The following PPP1R13B variants were observed in gnomAD, a reference collection of about 807,000 sequenced individuals.
PPP1R13B encodes apoptosis-stimulating of p53 protein 1.
A neutral mutation model predicts 119.8 loss-of-function variants in PPP1R13B; 44 were observed. That is an observed-to-expected ratio of 0.37 (90% CI 0.29 to 0.47). The LOEUF is 0.47. Among genes scored for constraint, PPP1R13B ranks in the 20% least tolerant of loss-of-function variants. The pLI, the probability that PPP1R13B is intolerant of heterozygous loss-of-function variation, is 0.99. For missense variants in PPP1R13B, 1,227 were observed against 1,413.5 expected (o/e 0.87, Z 2.12); for synonymous variants, 542 against 561.5 (o/e 0.97, Z 0.49).
intron 1 of PPP1R13B, among the ~76,000 whole-genome samples, chr14:103,811,672 A>T (rs2086159032): frequency 6.6e-6 from 1 of 152,162 alleles, no homozygotes; most frequent in South Asian, 2.1e-4. Context: ...TGGGCACAAG[A>T]GTGAGACCGT....
chr14:103,779,801 TA>T (rs1387685923), intron 3 of PPP1R13B, among the ~76,000 whole-genome samples: 1 of 151,182 alleles, frequency 6.6e-6, no homozygotes, highest in Non-Finnish European at 1.5e-5. Flanking sequence ...AACATAAAGA[TA>T]AAAATTTGGC....
intron 3 of PPP1R13B, among the ~76,000 whole-genome samples, chr14:103,781,096 C>T (rs2085326511): frequency 6.6e-6 from 1 of 152,166 alleles, no homozygotes; most frequent in Middle Eastern, 3.2e-3. Flanking sequence ...AGCCACCATA[C>T]TCAGCCCGTT....
At position 103,736,214 on chromosome 14, in the gene PPP1R13B, G is replaced by C. The variant is rs2084106643; in HGVS notation, c.3032-12C>G. On this transcript the variant is annotated splice_polypyrimidine_tract_variant and intron_variant, in intron 15 of 16. Transcript: ENST00000202556. ...CTTTTCCTGCACCCCTGGAGCCAGA[G>C]AGCAATGGTCAGGCCTCAGCAGAGG... The C allele has an allele frequency of 5.0e-6, 8 of 1,612,048 alleles. No individual in the cohort carries two copies. Among genetic ancestry groups the C allele is most frequent in the South Asian group, 1.1e-5 (1 of 91,074 alleles).
intron 1 of PPP1R13B, among the ~76,000 whole-genome samples, chr14:103,843,869 C>T (rs2086965001): frequency 6.6e-6 from 1 of 151,554 alleles, no homozygotes; most frequent in South Asian, 2.1e-4. Context: ...AGAAGAATCA[C>T]TTGAACCCAG....
chr14:103,740,641 C>T lies in PPP1R13B; in HGVS notation c.1823-48G>A, dbSNP rs990190078. 3.3e-5 allele frequency: 48 copies of T among 1,433,288 alleles called. No homozygotes were observed. The highest frequency in any genetic ancestry group is 4.3e-5 in the Non-Finnish European group (47 of 1,085,212). The allele number at this position is 1,433,288 out of a possible 1,614,324, so 88.8% of individuals were successfully genotyped here. ...GCAATTTTGACCTCACTACAGAGATCTAGTCATACACACCTATGATTACAC... is the reference window on the plus strand; with the variant it reads ...GCAATTTTGACCTCACTACAGAGATTTAGTCATACACACCTATGATTACAC... On this transcript the variant is annotated intron_variant, in intron 11 of 16. Transcript: ENST00000202556. This position sits in a 1 kb window ranked among gnomAD's most constrained non-coding sequence, Gnocchi z 4.6.
In PPP1R13B at chr14:103,740,979, C is replaced by T. The variant is rs1194885033; in HGVS notation, c.1823-386G>A. Among the ~76,000 whole-genome samples the T allele has an allele frequency of 6.6e-6, 1 of 152,224 alleles. No homozygotes were observed. The highest frequency in any genetic ancestry group is 6.5e-5 in the Admixed American group (1 of 15,286). On this transcript the variant is annotated intron_variant, in intron 11 of 16. Transcript: ENST00000202556. This position sits in a 1 kb window ranked among gnomAD's most constrained non-coding sequence, Gnocchi z 4.6. ...CTAACTCACATGACGGAGACACACG[C>T]GCCTCCTCAGAGCAGGAAGGTTTTA...
At chr14:103,799,340 G>A (rs1257277245) in intron 1 of PPP1R13B, among the ~76,000 whole-genome samples, 4 of 151,992 alleles carry the variant, frequency 2.6e-5, no homozygotes, top group African/African-American at 4.8e-5. Context: ...CACTACGCCC[G>A]GCTAATTTTT....
At chr14:103,847,206 C>G in intron 1 of PPP1R13B, 93 bp downstream of exon 1, 2 of 1,044,150 alleles carry the variant, frequency 1.9e-6, no homozygotes, top group Non-Finnish European at 2.3e-6. Flanking sequence ...GGCCTCGCAC[C>G]GGCCCGCGGG....
chr14:103,841,416 C>G (rs2086905827), intron 1 of PPP1R13B, among the ~76,000 whole-genome samples: 1 of 150,720 alleles, frequency 6.6e-6, no homozygotes, highest in Non-Finnish European at 1.5e-5. Flanking sequence ...GGTGAAACTC[C>G]ATCTCTACTA....
rs188570349 is a variant in PPP1R13B at position 103,826,804 on chromosome 14, A to C, written c.9+20495T>G. ...CGGGCAGATCACAAGGTCAGGAGAT[A>C]GAGACCATCCTGGCTAACAAGGTGA... On this transcript the variant is annotated intron_variant, in intron 1 of 16. Coordinates refer to ENST00000202556, the MANE Select transcript of PPP1R13B (RefSeq NM_015316.3). Among the ~76,000 whole-genome samples the C allele has an allele frequency of 3.2e-4, 48 of 150,386 alleles. No homozygotes were observed. The East Asian group carries it at 4.1e-3, about 13-fold the overall frequency.
Position 103,734,563 on chromosome 14 carries a change from C to T in PPP1R13B, c.*591G>A, listed in dbSNP as rs1016136001. The T allele has an allele frequency of 8.8e-6, 4 of 456,352 alleles. No homozygotes were observed. The highest frequency in any genetic ancestry group is 8.0e-5 in the African/African-American group (4 of 50,056). 28.3% of individuals were successfully genotyped at this position (456,352 alleles called of 1,614,324 possible). A position where few individuals can be genotyped will look rare whatever the true frequency, so the allele number is the denominator to read the frequency against. ...CCTGCACAATCAGCCTTTAGGTGAA[C>T]TGGAACAGGAAGCGGAACCCCCAAG... On this transcript the variant is annotated 3_prime_UTR_variant, in exon 17 of 17. Transcript: ENST00000202556.
intron 1 of PPP1R13B, among the ~76,000 whole-genome samples, chr14:103,837,903 G>A (rs1343134633): frequency 5.9e-5 from 9 of 152,114 alleles, no homozygotes; most frequent in Non-Finnish European, 1.5e-5. Flanking sequence ...CAGATCACCT[G>A]AGGTCAGGAG....
intron 2 of PPP1R13B, among the ~76,000 whole-genome samples, chr14:103,795,530 A>G (rs1249425807): frequency 6.6e-6 from 1 of 152,236 alleles, no homozygotes; most frequent in Non-Finnish European, 1.5e-5. Context: ...GAGAGAGACA[A>G]GCATTCTCAA....
intron 1 of PPP1R13B, among the ~76,000 whole-genome samples, 200 bp from the exon 2 acceptor site, chr14:103,797,718 G>T (rs949156166): frequency 5.3e-5 from 8 of 150,354 alleles, no homozygotes; most frequent in African/African-American, 2.0e-4. Flanking sequence ...TCCAAATGAG[G>T]AGAGTAATAG....
chr14:103,845,662 A>G (rs1394793095), intron 1 of PPP1R13B, among the ~76,000 whole-genome samples: 1 of 152,190 alleles, frequency 6.6e-6, no homozygotes, highest in Admixed American at 6.6e-5. Context: ...GATATTTATA[A>G]TTAAACATTA....
intron 4 of PPP1R13B, among the ~76,000 whole-genome samples, chr14:103,774,152 A>T (rs762920659): frequency 6.6e-5 from 10 of 152,260 alleles, no homozygotes; most frequent in Non-Finnish European, 1.5e-4. Flanking sequence ...CTTAAAATTG[A>T]TCATAGAACT....
Position 103,754,033 on chromosome 14 carries a change from G to T in PPP1R13B, c.631+37C>A, listed in dbSNP as rs372705526. 8.3e-5 allele frequency: 133 copies of T among 1,601,828 alleles called. No individual in the cohort carries two copies. The Middle Eastern group carries it at 8.5e-4, about 10-fold the overall frequency. On this transcript the variant is annotated intron_variant, in intron 6 of 16. Transcript: ENST00000202556. The stretch of plus-strand genomic sequence containing the variant: ...CTATGTTTCACTGGATCTGGGCCTG[G>T]TGAGAGTGGTGTCGAGGGGGTGTTG...
At position 103,739,868 on chromosome 14, in the gene PPP1R13B, G is replaced by C; in HGVS notation, c.2548C>G (p.Pro850Ala). The C allele has an allele frequency of 1.2e-6, 2 of 1,613,664 alleles. No homozygotes were observed. Among genetic ancestry groups the C allele is most frequent in the South Asian group, 1.1e-5 (1 of 91,044 alleles). The change falls in exon 12 of 17, where the codon CCA becomes GCA. Residue 850 changes from proline to alanine, a missense_variant. Physicochemically the swap from Pro to Ala is conservative, Grantham distance 27. Transcript: ENST00000202556. Reference protein sequence around the residue: ...APSPGEEQVPPAPLPPASHPP... With the variant: ...APSPGEEQVPAAPLPPASHPP... ...TGGCTGGCAGGGGGAAGAGGTGCTG[G>C]AGGGACCTGCTCTTCCCCTGGAGAT...
chr14:103,824,606 G>A lies in PPP1R13B; in HGVS notation c.9+22693C>T, dbSNP rs759936944. Among the ~76,000 whole-genome samples the A allele has an allele frequency of 1.6e-4, 24 of 151,542 alleles. 1 individual carries two copies. The highest frequency in any genetic ancestry group is 5.3e-4 in the Admixed American group (8 of 15,224). On this transcript the variant is annotated intron_variant, in intron 1 of 16. Transcript: ENST00000202556. Reference sequence around the variant, plus strand: ...AGCTACTCTGGAGGCTGAGGCACGAGAATCGGTTGAACTGGGAGGTAGAGG... The same window carrying A: ...AGCTACTCTGGAGGCTGAGGCACGAAAATCGGTTGAACTGGGAGGTAGAGG...
Sources: allele counts gnomAD v4.1 joint callset (sites outside exome capture counted in the v4.1 genomes callset), GRCh38; gene constraint gnomAD v4.1.1; non-coding constraint Gnocchi (gnomAD v3.1); transcripts MANE v1.5; gene names NCBI Gene and HGNC (gene_info 2026-07-23, HGNC 2026-07-21).